TRAPPC12: variants seen among roughly 807,000 people sequenced by gnomAD.
TRAPPC12 encodes trafficking protein particle complex subunit 12, also known as TPR repeat protein 15.
TRAPPC12 carries 61 observed loss-of-function variants against 69.2 expected under a neutral mutation model. The ratio of observed to expected loss-of-function variants is 0.88; its 90% CI spans 0.72 to 1.09. TRAPPC12 has a LOEUF of 1.09. TRAPPC12 is among the 50% of genes least tolerant of loss of function. The pLI is 0.00. For missense variants in TRAPPC12, 1,101 were observed against 1,016.4 expected, an observed-to-expected ratio of 1.08 and a Z score of -1.13; for synonymous variants, 469 against 438.9, an observed-to-expected ratio of 1.07 and a Z score of -0.86.
chr2:3,447,145 G>C (rs2103108507), intron 6 of TRAPPC12, among the ~76,000 whole-genome samples: 1 of 151,790 alleles, frequency 6.6e-6, no homozygotes, highest in Admixed American at 6.6e-5. Context: ...CTGTCACCCA[G>C]GCTGGAGTGC....
chr2:3,400,602 G>A (rs1460371700), intron 2 of TRAPPC12, among the ~76,000 whole-genome samples: 1 of 152,182 alleles, frequency 6.6e-6, no homozygotes, highest in Non-Finnish European at 1.5e-5. Flanking sequence ...GTGTGTGAGA[G>A]GCGTCTCCTG....
intron 7 of TRAPPC12, chr2:3,458,165 C>T: frequency 9.9e-7 from 1 of 1,006,648 alleles, no homozygotes; most frequent in South Asian, 4.1e-5. Context: ...GGGCAGTTCC[C>T]TGGAGCATTG....
rs931276013 is a variant in TRAPPC12 at position 3,387,684 on chromosome 2, C to G, written c.61C>G (p.Leu21Val). Residue 21 changes from leucine to valine, a missense_variant, in exon 2 of 12, where the codon CTC becomes GTC. Coordinates refer to ENST00000324266, the MANE Select transcript of TRAPPC12 (RefSeq NM_016030.6). ...PAPEAPHPPQLAPPEEQGLLF... is the reference protein window; with the variant it reads ...PAPEAPHPPQVAPPEEQGLLF... ...CCCGGAGGCCCCGCACCCCCCTCAG[C>G]TCGCGCCTCCGGAGGAGCAGGGGTT... 52 of 1,561,940 alleles carry G rather than the reference C, an allele frequency of 3.3e-5. No individual in the cohort carries two copies. Among genetic ancestry groups the G allele is most frequent in the Non-Finnish European group, 4.2e-5 (48 of 1,153,508 alleles).
chr2:3,457,623 C>G lies in TRAPPC12; in HGVS notation c.1533C>G (p.Ile511Met), dbSNP rs1365245804. The change falls in exon 7 of 12, where the codon ATC becomes ATG. Residue 511 changes from isoleucine (I) to methionine (M), a missense_variant and splice_region_variant. By Grantham distance (10) the Ile-to-Met change is conservative. Coordinates refer to ENST00000324266, the MANE Select transcript of TRAPPC12 (RefSeq NM_016030.6). ...LHKVKTVCSK[I>M]LANLEQGLAE... ...CTTCTCATTTGGAATGATTGCAGATCCTGGCCAATTTGGAGCAAGGCTTAG... is the reference window on the plus strand; with the variant it reads ...CTTCTCATTTGGAATGATTGCAGATGCTGGCCAATTTGGAGCAAGGCTTAG... The G allele has an allele frequency of 6.2e-7, 1 of 1,612,708 alleles. No individual in the cohort carries two copies. The highest frequency in any genetic ancestry group is 1.3e-5 in the African/African-American group (1 of 74,874).
intron 8 of TRAPPC12, chr2:3,463,063 T>A (rs567021123): frequency 2.3e-6 from 1 of 427,306 alleles, no homozygotes; most frequent in African/African-American, 2.0e-5. Context: ...AATAGACTTG[T>A]CCCTGGAAGT....
At chr2:3,477,942 G>T in intron 10 of TRAPPC12, 147 bp downstream of exon 10, 3 of 502,842 alleles carry the variant, frequency 6.0e-6, no homozygotes, top group Non-Finnish European at 3.6e-6. Flanking sequence ...GACCCAAGGA[G>T]TATACAGGTG....
rs921496784 is a variant in TRAPPC12 at position 3,406,407 on chromosome 2, G to T, written c.1164+4514G>T. Among the ~76,000 whole-genome samples the T allele has an allele frequency of 2.0e-5, 3 of 152,114 alleles. No individual in the cohort carries two copies. The South Asian group carries it at 6.2e-4, about 32-fold the overall frequency. ...ATTTACAGAAGCGTGTCCTCAAAAA[G>T]GTAAACAAGCATCCCTTGCTTACCT... On this transcript the variant is annotated intron_variant, in intron 3 of 11. Coordinates refer to ENST00000324266, the MANE Select transcript of TRAPPC12 (RefSeq NM_016030.6).
At chr2:3,472,943 A>T (rs536416780) in intron 9 of TRAPPC12, among the ~76,000 whole-genome samples, 35 of 152,216 alleles carry the variant, frequency 2.3e-4, no homozygotes, top group South Asian at 2.1e-3. Flanking sequence ...ACTTGATAGG[A>T]TCGTTGCTGA....
At chr2:3,398,679 C>G (rs1008094719) in intron 2 of TRAPPC12, among the ~76,000 whole-genome samples, 4 of 152,220 alleles carry the variant, frequency 2.6e-5, no homozygotes, top group Admixed American at 6.5e-5. Context: ...TGAGACTATT[C>G]CCCCATTGCA....
chr2:3,409,747 CT>C (rs1368706926), intron 3 of TRAPPC12, among the ~76,000 whole-genome samples: 1 of 25,772 alleles, frequency 3.9e-5, no homozygotes, highest in Non-Finnish European at 7.8e-5. Flanking sequence ...AAGACTTTGT[CT>C]TTAAAAAAAA....
At chr2:3,476,682 C>T (rs891371805) in intron 9 of TRAPPC12, among the ~76,000 whole-genome samples, 2 of 152,238 alleles carry the variant, frequency 1.3e-5, no homozygotes, top group African/African-American at 4.8e-5. Flanking sequence ...AGTTAGCAGG[C>T]TTGTTTTAAT....
rs763101224 is a variant in TRAPPC12 at position 3,387,818 on chromosome 2, C to G, written c.195C>G (p.His65Gln). The G allele has an allele frequency of 6.2e-7, 1 of 1,612,936 alleles. No individual in the cohort carries two copies. Residue 65 changes from histidine (H) to glutamine (Q), a missense_variant, in exon 2 of 12, where the codon CAC becomes CAG. By Grantham distance (24) the His-to-Gln change is conservative (BLOSUM62 0). Transcript: ENST00000324266. The stretch of plus-strand genomic sequence containing the variant: ...CTCTCGCGGACAAGCTGAACGAACA[C>G]ATGATGGAGAGCGTCCTCATCTCTG... ...SSPLADKLNE[H>Q]MMESVLISDS...
intron 9 of TRAPPC12, among the ~76,000 whole-genome samples, chr2:3,469,145 C>T (rs1368540495): frequency 2.6e-5 from 4 of 152,202 alleles, no homozygotes; most frequent in Non-Finnish European, 5.9e-5. Context: ...AGAGAAGTCA[C>T]TTTCAAGAAA....
At chr2:3,460,438 C>T in intron 8 of TRAPPC12, 102 bp downstream of exon 8, 1 of 723,636 alleles carries the variant, frequency 1.4e-6, no homozygotes, top group South Asian at 1.7e-5. Context: ...CAGGGACCGG[C>T]CGTGCAGAGA....
chr2:3,407,740 G>A (rs1219074490), intron 3 of TRAPPC12, among the ~76,000 whole-genome samples: 1 of 151,814 alleles, frequency 6.6e-6, no homozygotes, highest in Non-Finnish European at 1.5e-5. Context: ...AGCTTGCAGT[G>A]AGCCAAGATC....
Position 3,455,349 on chromosome 2 carries a change from T to C in TRAPPC12, c.1531-2272T>C, listed in dbSNP as rs530494820. On this transcript the variant is annotated intron_variant, in intron 6 of 11. Coordinates refer to ENST00000324266, the MANE Select transcript of TRAPPC12 (RefSeq NM_016030.6). ...AATGGAGTATCCATCCCCTCAAGCA[T>C]TGATCCTTTGTGTTGCAACAATCCA... The C allele has an allele frequency of 5.9e-5, 9 of 152,380 alleles. No homozygotes were observed. The East Asian group carries it at 1.7e-3, about 29-fold the overall frequency. The allele number at this position is 152,380 out of a possible 1,614,324, so 9.4% of individuals were successfully genotyped here.
At chr2:3,407,682 G>T (rs1424847167) in intron 3 of TRAPPC12, among the ~76,000 whole-genome samples, 1 of 151,892 alleles carries the variant, frequency 6.6e-6, no homozygotes. Flanking sequence ...GGTGCCTGTA[G>T]TCCCAGCTAC....
At chr2:3,456,946 G>C (rs922743932) in intron 6 of TRAPPC12, 2 of 369,866 alleles carry the variant, frequency 5.4e-6, no homozygotes, top group Non-Finnish European at 1.1e-5. Context: ...GATGTCTGCA[G>C]ATACTTCAAG....
chr2:3,398,337 T>TGAG (rs1661238746), intron 2 of TRAPPC12, among the ~76,000 whole-genome samples: 1 of 152,198 alleles, frequency 6.6e-6, no homozygotes, highest in African/African-American at 2.4e-5. Context: ...ATGTGGTGTG[T>TGAG]GAGGGTTCCA....
Sources: gnomAD v4.1 joint callset for allele counts (sites outside exome capture counted in the v4.1 genomes callset) on GRCh38, gnomAD v4.1.1 for gene constraint, MANE v1.5 for transcripts, NCBI Gene and HGNC (gene_info 2026-07-23, HGNC 2026-07-21) for gene names.